The following BICRA variants were observed in gnomAD, a reference collection of about 807,000 sequenced individuals.
BICRA encodes BRD4 interacting chromatin remodeling complex associated protein.
A neutral mutation model predicts 96.9 loss-of-function variants in BICRA; 31 were observed. That is an observed-to-expected ratio of 0.32 (90% confidence interval 0.24 to 0.43). The LOEUF is 0.43. Ranked by LOEUF, BICRA falls within the 20% of genes least tolerant of loss-of-function variation. The pLI, the probability that BICRA is intolerant of heterozygous loss-of-function variation, is 1.00. For synonymous variants in BICRA, 1,350 were observed against 1,071.8 expected (o/e 1.26, Z -5.07); for missense variants, 2,283 against 2,190.3 (o/e 1.04, Z -0.84).
rs1973405995 is a variant in BICRA, at chr19:47,699,419, G to T, written c.3595+14G>T. On this transcript the variant is annotated intron_variant, in intron 14 of 14. Coordinates refer to ENST00000594866, the MANE Select transcript of BICRA (RefSeq NM_001394372.1). This position sits in a 1 kb window ranked among gnomAD's most constrained non-coding sequence, Gnocchi z 5.0. Reference sequence around the variant, plus strand: ...AGGAGAAGCCGGGTGAGAGGGGGGAGTGAGAGGGGAGGGGAGGGAGAGGTG... The same window carrying T: ...AGGAGAAGCCGGGTGAGAGGGGGGATTGAGAGGGGAGGGGAGGGAGAGGTG... 1 of 1,448,408 alleles carries T rather than the reference G, an allele frequency of 6.9e-7. No individual in the cohort carries two copies. 89.7% of individuals were successfully genotyped at this position (1,448,408 alleles called of 1,614,324 possible).
rs1973460476 is a variant in BICRA, at chr19:47,701,925, C to G, written c.4193C>G (p.Pro1398Arg). 3 of 1,433,022 alleles carry G rather than the reference C, an allele frequency of 2.1e-6. No homozygotes were observed. Among genetic ancestry groups the G allele is most frequent in the Non-Finnish European group, 9.1e-7 (1 of 1,102,690 alleles). 88.8% of individuals were successfully genotyped at this position (1,433,022 alleles called of 1,614,324 possible). The change falls in exon 15 of 15, where the codon CCT (proline) becomes CGT (arginine). Residue 1398 changes from proline (P) to arginine (R), a missense_variant. Coordinates refer to ENST00000594866, the MANE Select transcript of BICRA (RefSeq NM_001394372.1). This position sits in a 1 kb window ranked among gnomAD's most constrained non-coding sequence, Gnocchi z 5.4. ...ACCTACCGCGAGAACGTGGGGGGCC[C>G]TGGCGCGCCGGAGGGGACGCCCGCA... ...RKTYRENVGG[P>R]GAPEGTPAGR...
chr19:47,616,516 G>A (rs1599779987), intron 1 of BICRA, among the ~76,000 whole-genome samples: 1 of 152,186 alleles, frequency 6.6e-6, no homozygotes, highest in East Asian at 1.9e-4. Flanking sequence ...GCGCATGCTT[G>A]TAATCCCAGC....
intron 5 of BICRA, among the ~76,000 whole-genome samples, chr19:47,677,942 C>G (rs981245972): frequency 3.3e-5 from 5 of 152,178 alleles, no homozygotes; most frequent in African/African-American, 1.2e-4. Context: ...GATGTCACAT[C>G]ATGTGGATAA....
intron 1 of BICRA, among the ~76,000 whole-genome samples, chr19:47,639,215 C>G (rs891319294): frequency 2.0e-5 from 3 of 151,436 alleles, no homozygotes; most frequent in Admixed American, 2.0e-4. Flanking sequence ...ATCATGTTGC[C>G]CAGGCTGGCC....
chr19:47,673,530 C>G (rs374305375), intron 2 of BICRA, 40 bp from the exon 3 acceptor site: 2 of 1,578,624 alleles, frequency 1.3e-6, no homozygotes, highest in East Asian at 4.5e-5. Context: ...AAAATCTAAC[C>G]TTGTCTCCCT....
intron 1 of BICRA, among the ~76,000 whole-genome samples, chr19:47,665,190 C>G (rs534068808): frequency 6.6e-6 from 1 of 152,132 alleles, no homozygotes; most frequent in African/African-American, 2.4e-5. Context: ...GTCCTCAGCA[C>G]CCCCCACCAG....
chr19:47,638,612 G>GAC (rs1972336005), intron 1 of BICRA, among the ~76,000 whole-genome samples: 1 of 104,970 alleles, frequency 9.5e-6, no homozygotes, highest in Non-Finnish European at 1.8e-5. Context: ...CTCTCTCTCT[G>GAC]TCACACACAC....
chr19:47,637,713 C>T (rs752664946), intron 1 of BICRA, among the ~76,000 whole-genome samples: 30 of 152,164 alleles, frequency 2.0e-4, no homozygotes, highest in Non-Finnish European at 3.2e-4. Context: ...CTGCTCCTCC[C>T]AGCCCCAGCA....
At chr19:47,623,525 C>G (rs1972095226) in intron 1 of BICRA, among the ~76,000 whole-genome samples, 1 of 152,248 alleles carries the variant, frequency 6.6e-6, no homozygotes, top group Admixed American at 6.5e-5. Context: ...CAGACTCACA[C>G]TCAGGCTTCC....
chr19:47,698,557 G>T lies in BICRA; in HGVS notation c.3249-77G>T. The T allele has an allele frequency of 1.4e-6, 1 of 730,970 alleles. No homozygotes were observed. The highest frequency in any genetic ancestry group is 1.5e-5 in the South Asian group (1 of 64,906). 45.3% of individuals were successfully genotyped at this position (730,970 alleles called of 1,614,324 possible). On this transcript the variant is annotated intron_variant, in intron 11 of 14. Transcript: ENST00000594866. The surrounding 1 kb of genome is among the most constrained non-coding windows in gnomAD (Gnocchi z 4.8). ...GTTCAGTTGCGGCCTGGGGCTGAGG[G>T]TTCAGGGACTTCCCCTGGCCCTCAC...
chr19:47,680,270 C>T lies in BICRA; in HGVS notation c.1100C>T (p.Thr367Met), dbSNP rs764836214. ...GVLPPKLYQL[T>M]PKPFAPAGAT... Reference sequence around the variant, plus strand: ...CTGCCGCCCAAGCTCTACCAGCTGACGCCCAAGCCGTTTGCGCCCGCGGGC... The same window carrying T: ...CTGCCGCCCAAGCTCTACCAGCTGATGCCCAAGCCGTTTGCGCCCGCGGGC... The change falls in exon 6 of 15, where the codon ACG becomes ATG. Residue 367 changes from threonine (T) to methionine (M), a missense_variant. Thr to Met is a moderately conservative substitution (Grantham distance 81). Transcript: ENST00000594866. 3.2e-6 allele frequency: 5 copies of T among 1,559,630 alleles called. No homozygotes were observed. Among genetic ancestry groups the T allele is most frequent in the Admixed American group, 1.8e-5 (1 of 54,668 alleles).
intron 1 of BICRA, among the ~76,000 whole-genome samples, chr19:47,633,085 T>TG (rs950071606): frequency 7.0e-6 from 1 of 142,542 alleles, no homozygotes. Flanking sequence ...TATTTCTTTT[T>TG]TTTTTTTTTT....
At chr19:47,664,546 G>C (rs1972747522) in intron 1 of BICRA, among the ~76,000 whole-genome samples, 2 of 152,154 alleles carry the variant, frequency 1.3e-5, no homozygotes, top group African/African-American at 4.8e-5. Context: ...TCCTTTTCCT[G>C]TAAGATGTGC....
chr19:47,631,077 T>C (rs919429249), intron 1 of BICRA, among the ~76,000 whole-genome samples: 6 of 152,178 alleles, frequency 3.9e-5, no homozygotes, highest in African/African-American at 1.2e-4. Context: ...GGGGTTTTTT[T>C]TGAGACAGAG....
In BICRA at chr19:47,680,218, C is replaced by T; in HGVS notation, c.1048C>T (p.Pro350Ser). 1 of 1,558,938 alleles carries T rather than the reference C, an allele frequency of 6.4e-7. No homozygotes were observed. The highest frequency in any genetic ancestry group is 1.4e-5 in the African/African-American group (1 of 73,346). ...PNVILHRTPT[P>S]IQPKPAGVLP... The stretch of plus-strand genomic sequence containing the variant: ...CGTGATCCTGCATCGCACACCCACG[C>T]CCATCCAGCCCAAGCCCGCGGGGGT... Residue 350 changes from proline (P) to serine (S), a missense_variant, in exon 6 of 15, where the codon CCC (proline) becomes TCC (serine). Pro to Ser is a moderately conservative substitution (Grantham distance 74). Coordinates refer to ENST00000594866, the MANE Select transcript of BICRA (RefSeq NM_001394372.1).
At chr19:47,638,596 TTCTCTC>T (rs571988559) in intron 1 of BICRA, among the ~76,000 whole-genome samples, 3 of 134,264 alleles carry the variant, frequency 2.2e-5, no homozygotes, top group Non-Finnish European at 3.1e-5. Context: ...CTCTCTCTGT[TTCTCTC>T]TCTCTCTCTG....
At position 47,699,284 on chromosome 19, in the gene BICRA, G is replaced by A. The variant is rs776205035; in HGVS notation, c.3493-19G>A. 6 of 1,453,444 alleles carry A rather than the reference G, an allele frequency of 4.1e-6. No individual in the cohort carries two copies. In the Admixed American group the frequency reaches 7.8e-5, roughly 19 times the overall value. 90.0% of individuals were successfully genotyped at this position (1,453,444 alleles called of 1,614,324 possible). On this transcript the variant is annotated intron_variant, in intron 13 of 14. Coordinates refer to ENST00000594866, the MANE Select transcript of BICRA (RefSeq NM_001394372.1). This position sits in a 1 kb window ranked among gnomAD's most constrained non-coding sequence, Gnocchi z 5.0. ...CTTCTTGCTGGTTCACTCGCACGTC[G>A]TCTTTTCCCCCACCCCAGAGGGTGA...
intron 1 of BICRA, among the ~76,000 whole-genome samples, chr19:47,660,403 C>T (rs1234059225): frequency 1.3e-5 from 2 of 152,228 alleles, no homozygotes; most frequent in African/African-American, 4.8e-5. Flanking sequence ...CTAATTATGT[C>T]TACAAAGACC....
intron 1 of BICRA, among the ~76,000 whole-genome samples, chr19:47,637,187 T>G (rs942173096): frequency 2.6e-5 from 4 of 152,086 alleles, no homozygotes; most frequent in Non-Finnish European, 4.4e-5. Flanking sequence ...TGGTGCAATC[T>G]CGGCTCACTG....
Sources: gnomAD v4.1 joint callset for allele counts (sites outside exome capture counted in the v4.1 genomes callset) on GRCh38, gnomAD v4.1.1 for gene constraint, Gnocchi (gnomAD v3.1) non-coding constraint, MANE v1.5 for transcripts, NCBI Gene and HGNC (gene_info 2026-07-23, HGNC 2026-07-21) for gene names.